Variants in GSE1 observed in about 807,000 individuals in gnomAD.
GSE1 encodes the protein genetic suppressor element 1.
A neutral mutation model predicts 112.6 loss-of-function variants in GSE1; 32 were observed. The ratio of observed to expected loss-of-function variants is 0.28; its 90% CI spans 0.21 to 0.38. The LOEUF (loss-of-function observed/expected upper bound fraction) is 0.38, where lower values mean the gene tolerates loss of function less well. Among genes scored for constraint, GSE1 ranks in the 10% least tolerant of loss-of-function variants. GSE1 has a pLI of 1.00. For synonymous variants in GSE1, 1,115 were observed against 735.6 expected (o/e 1.52, Z -8.35); for missense variants, 2,348 against 1,699.2 (o/e 1.38, Z -6.71).
chr16:85,563,239 T>A (rs904717042), intron 1 of GSE1, among the ~76,000 whole-genome samples: 2 of 152,222 alleles, frequency 1.3e-5, no homozygotes, highest in South Asian at 4.1e-4. Context: ...AAAGTCCTTT[T>A]GTTAATTTAG....
At chr16:85,579,241 A>C (rs2046352389) in intron 1 of GSE1, among the ~76,000 whole-genome samples, 1 of 152,086 alleles carries the variant, frequency 6.6e-6, no homozygotes, top group Admixed American at 6.5e-5. Flanking sequence ...TTGGGGTATC[A>C]GAGGGCTCTA....
At chr16:85,413,333 G>A (rs1235911120) in intron 2 of GSE1, among the ~76,000 whole-genome samples, 2 of 152,302 alleles carry the variant, frequency 1.3e-5, no homozygotes, top group Admixed American at 6.5e-5. Flanking sequence ...CTAGGAGGAA[G>A]GCAGGGCCAT....
At chr16:85,638,874 A>G (rs1212215534) in intron 2 of GSE1, among the ~76,000 whole-genome samples, 2 of 151,630 alleles carry the variant, frequency 1.3e-5, no homozygotes, top group African/African-American at 4.9e-5. Flanking sequence ...TCCCCCCGTC[A>G]ATGGCTCTGG....
At chr16:85,275,258 C>T (rs1433539410) in intron 1 of GSE1, among the ~76,000 whole-genome samples, 1 of 152,212 alleles carries the variant, frequency 6.6e-6, no homozygotes. Flanking sequence ...CTAGGACAGC[C>T]AGCCAGGGCT....
intron 1 of GSE1, among the ~76,000 whole-genome samples, chr16:85,590,844 T>A (rs936115176): frequency 1.3e-5 from 2 of 152,192 alleles, no homozygotes; most frequent in African/African-American, 4.8e-5. Flanking sequence ...ACCCCTCTTT[T>A]CCGTCCTGTA....
rs2152044477 is a variant in GSE1 at position 85,675,112 on chromosome 16, C to T, written c.*2573C>T. On this transcript the variant is annotated 3_prime_UTR_variant, in exon 16 of 16. Coordinates refer to ENST00000253458, the MANE Select transcript of GSE1 (RefSeq NM_014615.5). ...TTATTCTCAAAGAACACAGTAGCAC[C>T]TAAATCTGTTTTCAATTGGGCTTAA... 1 of 152,274 alleles carries T rather than the reference C, an allele frequency of 6.6e-6. No individual in the cohort carries two copies. Among genetic ancestry groups the T allele is most frequent in the South Asian group, 2.1e-4 (1 of 4,820 alleles). The allele number at this position is 152,274 out of a possible 1,614,324, so 9.4% of individuals were successfully genotyped here. A position where few individuals can be genotyped will look rare whatever the true frequency, so the allele number is the denominator to read the frequency against.
chr16:85,576,022 A>T (rs1290597626), intron 1 of GSE1, among the ~76,000 whole-genome samples: 1 of 151,250 alleles, frequency 6.6e-6, no homozygotes, highest in Non-Finnish European at 1.5e-5. Context: ...TACCTGGAAG[A>T]GGTTTCTTAT....
At chr16:85,644,004 G>C (rs1256117625) in intron 2 of GSE1, among the ~76,000 whole-genome samples, 4 of 152,118 alleles carry the variant, frequency 2.6e-5, no homozygotes, top group Non-Finnish European at 4.4e-5. Flanking sequence ...CCCTGGGTTT[G>C]GGCCGGGTGC....
Position 85,633,017 on chromosome 16 carries a change from G to GCCGCCA in GSE1, c.8-892_8-891insACCGCC, listed in dbSNP as rs1555552299. The stretch of plus-strand genomic sequence containing the variant: ...CCCCTGGGCTCAGACCTCTGGTGCC[G>GCCGCCA]CCGCCGCCGCCGCTGTCACCACTGG... On this transcript the variant is annotated intron_variant, in intron 1 of 15. Coordinates refer to ENST00000253458, the MANE Select transcript of GSE1 (RefSeq NM_014615.5). 1.5e-4 allele frequency among the ~76,000 whole-genome samples: 23 copies of GCCGCCA among 150,666 alleles called. No individual in the cohort carries two copies. The South Asian group carries it at 3.8e-3, about 25-fold the overall frequency.
chr16:85,173,048 G>C (rs528729618), intron 1 of GSE1, among the ~76,000 whole-genome samples: 3 of 152,180 alleles, frequency 2.0e-5, no homozygotes, highest in Non-Finnish European at 4.4e-5. Flanking sequence ...TGAGCACGTC[G>C]TCTCCCGTCA....
chr16:85,503,560 TC>T (rs980731596), intron 2 of GSE1, among the ~76,000 whole-genome samples: 2 of 152,118 alleles, frequency 1.3e-5, no homozygotes, highest in Non-Finnish European at 2.9e-5. Flanking sequence ...CCCACGGAGC[TC>T]TGATTGCCGC....
At chr16:85,381,113 AC>A (rs2047537334) in intron 2 of GSE1, among the ~76,000 whole-genome samples, 1 of 151,892 alleles carries the variant, frequency 6.6e-6, no homozygotes, top group African/African-American at 2.4e-5. Context: ...TCACTCCCCC[AC>A]CTTCCTTTCC....
At chr16:85,451,314 C>G (rs2049673315) in intron 2 of GSE1, among the ~76,000 whole-genome samples, 1 of 152,196 alleles carries the variant, frequency 6.6e-6, no homozygotes. Flanking sequence ...GATTGTTTCA[C>G]CTTTGCTAGG....
At chr16:85,654,093 C>G (rs1333615840) in intron 3 of GSE1, among the ~76,000 whole-genome samples, 185 bp from the exon 4 acceptor site, 1 of 152,184 alleles carries the variant, frequency 6.6e-6, no homozygotes, top group African/African-American at 2.4e-5. Context: ...GCCACATCCC[C>G]TTTCTTACGG....
At chr16:85,649,867 C>T (rs1339022648) in intron 3 of GSE1, among the ~76,000 whole-genome samples, 2 of 152,202 alleles carry the variant, frequency 1.3e-5, no homozygotes, top group East Asian at 1.9e-4. Flanking sequence ...TCATCAGGGC[C>T]TGTCTGCCCT....
intron 2 of GSE1, among the ~76,000 whole-genome samples, chr16:85,532,388 G>A (rs2044166334): frequency 1.3e-5 from 2 of 152,158 alleles, no homozygotes; most frequent in Admixed American, 1.3e-4. Flanking sequence ...AGCCTCCCGA[G>A]TAGCTGGAAC....
chr16:85,654,494 A>C, intron 4 of GSE1, 44 bp downstream of exon 4: 1 of 1,505,840 alleles, frequency 6.6e-7, no homozygotes, highest in Non-Finnish European at 9.0e-7. Context: ...CCAGGTGGGG[A>C]CACAGTGCTC....
At chr16:85,413,263 C>T (rs980996687) in intron 2 of GSE1, among the ~76,000 whole-genome samples, 14 of 152,108 alleles carry the variant, frequency 9.2e-5, no homozygotes, top group African/African-American at 3.4e-4. Flanking sequence ...GTGTGGGACA[C>T]GGGGAACGAG....
At chr16:85,350,169 G>A (rs1428899517) in intron 1 of GSE1, among the ~76,000 whole-genome samples, 2 of 152,200 alleles carry the variant, frequency 1.3e-5, no homozygotes, top group Non-Finnish European at 2.9e-5. Flanking sequence ...GGACAAGTAA[G>A]GCAGGGGTTA....
Sources: allele counts gnomAD v4.1 joint callset (sites outside exome capture counted in the v4.1 genomes callset), GRCh38; gene constraint gnomAD v4.1.1; transcripts MANE v1.5; gene names NCBI Gene and HGNC (gene_info 2026-07-23, HGNC 2026-07-21).